EPHB1: variants seen among roughly 807,000 people sequenced by gnomAD.
EPHB1 encodes the protein ephrin type-B receptor 1.
In EPHB1, 30 loss-of-function variants were observed where a neutral mutation model predicts 94.4. The observed-to-expected ratio is 0.32, with a 90% CI of 0.24 to 0.43. EPHB1 has a LOEUF of 0.43. Among genes scored for constraint, EPHB1 ranks in the 20% least tolerant of loss-of-function variants. The probability of loss-of-function intolerance (pLI) is 1.00; values close to 1 mark genes in which losing one functional copy is unlikely to be tolerated. For synonymous variants in EPHB1, 522 were observed against 489.1 expected, an observed-to-expected ratio of 1.07 and a Z score of -0.89; for missense variants, 1,055 against 1,308.3, an observed-to-expected ratio of 0.81 and a Z score of 2.99.
intron 1 of EPHB1, chr3:134,796,226 G>A (rs1158042134): frequency 6.2e-6 from 1 of 161,274 alleles, no homozygotes; most frequent in Non-Finnish European, 1.3e-5. Context: ...GCTCTGCCGT[G>A]GTATCCCGCA....
In EPHB1 at chr3:135,260,123, A is replaced by G. The variant is rs1015646589; in HGVS notation, c.*1003A>G. 2.1e-5 allele frequency: 5 copies of G among 233,026 alleles called. No individual in the cohort carries two copies. The highest frequency in any genetic ancestry group is 1.1e-4 in the African/African-American group (5 of 45,338). The allele number at this position is 233,026 out of a possible 1,614,324, so 14.4% of individuals were successfully genotyped here. On this transcript the variant is annotated 3_prime_UTR_variant, in exon 16 of 16. Coordinates refer to ENST00000398015, the MANE Select transcript of EPHB1 (RefSeq NM_004441.5). Reference sequence around the variant, plus strand: ...TGGATGCAGTGTGGGCCATCCTGGAATGATACTGACTGATTAATTATTCCT... The same window carrying G: ...TGGATGCAGTGTGGGCCATCCTGGAGTGATACTGACTGATTAATTATTCCT...
intron 3 of EPHB1, among the ~76,000 whole-genome samples, chr3:134,986,758 CAA>C (rs756176931): frequency 2.7e-5 from 4 of 146,294 alleles, no homozygotes; most frequent in Admixed American, 6.7e-5. Flanking sequence ...CAAACAAAAA[CAA>C]GAGACCTATT....
chr3:134,795,342 C>T lies in EPHB1; in HGVS notation c.-290C>T, dbSNP rs2035799068. On this transcript the variant is annotated 5_prime_UTR_variant, in exon 1 of 16. Transcript: ENST00000398015. Reference sequence around the variant, plus strand: ...GACGCACTCGCTCTCGCGCGCTCTCCCAGGCTCGTTCTCCCTCGCCCTCTC... The same window carrying T: ...GACGCACTCGCTCTCGCGCGCTCTCTCAGGCTCGTTCTCCCTCGCCCTCTC... The T allele has an allele frequency of 4.0e-6, 2 of 494,780 alleles. No individual in the cohort carries two copies. Among genetic ancestry groups the T allele is most frequent in the Non-Finnish European group, 7.1e-6 (2 of 282,228 alleles). The allele number at this position is 494,780 out of a possible 1,614,324, so 30.6% of individuals were successfully genotyped here.
intron 3 of EPHB1, among the ~76,000 whole-genome samples, chr3:134,958,712 C>A (rs1045876711): frequency 6.6e-6 from 1 of 152,144 alleles, no homozygotes; most frequent in African/African-American, 2.4e-5. Flanking sequence ...CCCATGGCGG[C>A]CCTACCCAGC....
intron 1 of EPHB1, among the ~76,000 whole-genome samples, chr3:134,879,709 A>G (rs2037689534): frequency 6.6e-6 from 1 of 152,138 alleles, no homozygotes; most frequent in South Asian, 2.1e-4. Flanking sequence ...CTGGCATTAG[A>G]GCAAGGGAAT....
intron 3 of EPHB1, among the ~76,000 whole-genome samples, chr3:135,005,969 A>G (rs976536977): frequency 2.0e-5 from 3 of 152,172 alleles, no homozygotes; most frequent in Non-Finnish European, 4.4e-5. Context: ...CTATTCGGCC[A>G]TCTTGGCTCC....
At chr3:135,170,090 G>A (rs887916137) in intron 9 of EPHB1, among the ~76,000 whole-genome samples, 1 of 152,206 alleles carries the variant, frequency 6.6e-6, no homozygotes, top group African/African-American at 2.4e-5. Flanking sequence ...TGACCAGGGA[G>A]TAACAGAAAA....
chr3:134,925,887 A>G lies in EPHB1; in HGVS notation c.123+7A>G, dbSNP rs752698282. Reference sequence around the variant, plus strand: ...GGCCAATCCTGCGTCCGGGGTGAGTATCAAACCATTCGTCTTTCAGTCCTG... The same window carrying G: ...GGCCAATCCTGCGTCCGGGGTGAGTGTCAAACCATTCGTCTTTCAGTCCTG... On this transcript the variant is annotated splice_region_variant and intron_variant, in intron 2 of 15. Transcript: ENST00000398015. 5 of 1,597,354 alleles carry G rather than the reference A, an allele frequency of 3.1e-6. No individual in the cohort carries two copies. Among genetic ancestry groups the G allele is most frequent in the Non-Finnish European group, 4.3e-6 (5 of 1,171,390 alleles).
chr3:135,046,324 T>C (rs901412169), intron 3 of EPHB1, among the ~76,000 whole-genome samples: 1 of 152,336 alleles, frequency 6.6e-6, no homozygotes, highest in East Asian at 1.9e-4. Context: ...GCATGTGAGC[T>C]TCTATTACTA....
intron 1 of EPHB1, among the ~76,000 whole-genome samples, chr3:134,920,263 C>T (rs1460679223): frequency 1.3e-5 from 2 of 152,198 alleles, no homozygotes; most frequent in African/African-American, 4.8e-5. Context: ...AGCTCTCTTG[C>T]AAGGATCCTC....
chr3:134,855,437 A>G (rs532602929), intron 1 of EPHB1, among the ~76,000 whole-genome samples: 2 of 152,298 alleles, frequency 1.3e-5, no homozygotes, highest in East Asian at 3.9e-4. Context: ...TGGATTGCAC[A>G]GCCACACTGG....
chr3:134,960,435 C>T (rs1304558670), intron 3 of EPHB1, among the ~76,000 whole-genome samples: 1 of 152,118 alleles, frequency 6.6e-6, no homozygotes, highest in Non-Finnish European at 1.5e-5. Flanking sequence ...CAGTTGAGCC[C>T]CCATTTTTGT....
chr3:135,221,115 A>G (rs1220923378), intron 12 of EPHB1, among the ~76,000 whole-genome samples: 1 of 152,240 alleles, frequency 6.6e-6, no homozygotes, highest in East Asian at 1.9e-4. Flanking sequence ...ATAAAATGAT[A>G]TGAAATGGCT....
At chr3:134,924,145 C>A (rs1490147773) in intron 1 of EPHB1, among the ~76,000 whole-genome samples, 2 of 152,112 alleles carry the variant, frequency 1.3e-5, no homozygotes, top group Admixed American at 6.5e-5. Flanking sequence ...TAACTTGAAC[C>A]ATAGACCTAG....
chr3:134,889,645 G>T (rs2037928514), intron 1 of EPHB1, among the ~76,000 whole-genome samples: 1 of 149,048 alleles, frequency 6.7e-6, no homozygotes, highest in Non-Finnish European at 1.5e-5. Context: ...TCTTTTTTTT[G>T]AAAGTTTTCC....
intron 1 of EPHB1, among the ~76,000 whole-genome samples, chr3:134,824,124 CCTTTTTTT>C (rs1379464332): frequency 7.4e-6 from 1 of 135,860 alleles, no homozygotes; most frequent in East Asian, 2.0e-4. Flanking sequence ...AGGATAATGC[CCTTTTTTT>C]TTTTTTTTTT....
intron 5 of EPHB1, among the ~76,000 whole-genome samples, chr3:135,144,091 G>A (rs1407240828): frequency 1.3e-5 from 2 of 152,130 alleles, no homozygotes; most frequent in African/African-American, 2.4e-5. Flanking sequence ...CCACCCCCAT[G>A]CCTGGCCTCC....
chr3:134,923,011 A>G (rs527330733), intron 1 of EPHB1, among the ~76,000 whole-genome samples: 3 of 152,262 alleles, frequency 2.0e-5, no homozygotes, highest in Admixed American at 2.0e-4. Context: ...GAAGTGTATT[A>G]TGTAAATTTG....
At chr3:135,073,653 G>A in intron 3 of EPHB1, among the ~76,000 whole-genome samples, 1 of 152,144 alleles carries the variant, frequency 6.6e-6, no homozygotes, top group East Asian at 1.9e-4. Flanking sequence ...TTTCCTGAAT[G>A]TCTCTGTCTT....
Sources: gnomAD v4.1 joint callset for allele counts (sites outside exome capture counted in the v4.1 genomes callset) on GRCh38, gnomAD v4.1.1 for gene constraint, MANE v1.5 for transcripts, NCBI Gene and HGNC (gene_info 2026-07-23, HGNC 2026-07-21) for gene names.